Variants in C12orf42 observed in about 807,000 individuals in gnomAD.
C12orf42 encodes the protein uncharacterized protein C12orf42.
Under a neutral mutation model 21.6 loss-of-function variants are expected in C12orf42, and 25 were observed. The observed-to-expected ratio is 1.16, with a 90% CI of 0.84 to 1.62. C12orf42 has a LOEUF of 1.62. Among genes scored for constraint, C12orf42 ranks in the 40% most tolerant of loss-of-function variants. The pLI, the probability that C12orf42 is intolerant of heterozygous loss-of-function variation, is 0.00. For missense variants in C12orf42, 483 were observed against 459.3 expected (o/e 1.05, Z -0.47); for synonymous variants, 174 against 175.0 (o/e 0.99, Z 0.05).
At chr12:103,293,775 T>C (rs950354994) in intron 4 of C12orf42, among the ~76,000 whole-genome samples, 3 of 152,182 alleles carry the variant, frequency 2.0e-5, no homozygotes, top group African/African-American at 7.2e-5. Context: ...TACGTCTTCA[T>C]TGAAATACAG....
chr12:103,400,979 A>G (rs1353080707), intron 3 of C12orf42, among the ~76,000 whole-genome samples: 2 of 152,102 alleles, frequency 1.3e-5, no homozygotes, highest in African/African-American at 2.4e-5. Flanking sequence ...TTTTATCCCA[A>G]TCCTGCTTTT....
At chr12:103,333,732 G>C (rs919952363) in intron 4 of C12orf42, among the ~76,000 whole-genome samples, 2 of 151,110 alleles carry the variant, frequency 1.3e-5, no homozygotes, top group East Asian at 3.9e-4. Context: ...AATGTAAAAA[G>C]ATAAAAAAAA....
At chr12:103,309,465 T>G (rs1272350728) in intron 4 of C12orf42, among the ~76,000 whole-genome samples, 1 of 152,198 alleles carries the variant, frequency 6.6e-6, no homozygotes, top group Non-Finnish European at 1.5e-5. Context: ...ATTGACTATG[T>G]TATCAATAAG....
intron 4 of C12orf42, among the ~76,000 whole-genome samples, chr12:103,319,829 A>C (rs1234884349): frequency 6.6e-6 from 1 of 152,236 alleles, no homozygotes; most frequent in East Asian, 1.9e-4. Flanking sequence ...GGTGCTGAGC[A>C]CAGCACTTTG....
At chr12:103,516,419 T>A in the C12orf42 span, among the ~76,000 whole-genome samples, 9 of 152,234 alleles carry the variant, frequency 5.9e-5, no homozygotes, top group African/African-American at 2.2e-4. Flanking sequence ...ATTATATTAG[T>A]CTGTTCTCAC....
At chr12:103,122,851 A>AC in the C12orf42 span, among the ~76,000 whole-genome samples, 1 of 152,196 alleles carries the variant, frequency 6.6e-6, no homozygotes, top group Non-Finnish European at 1.5e-5. Flanking sequence ...CAAAGGAGGC[A>AC]CATGAGCTGC....
At chr12:103,153,109 T>C in the C12orf42 span, among the ~76,000 whole-genome samples, 5 of 152,314 alleles carry the variant, frequency 3.3e-5, no homozygotes, top group African/African-American at 1.2e-4. Context: ...TCTGTGTCTA[T>C]TAAATAGCAT....
the C12orf42 span, among the ~76,000 whole-genome samples, chr12:103,208,370 G>A: frequency 4.3e-4 from 66 of 152,048 alleles, 2 homozygotes; most frequent in Non-Finnish European, 1.5e-5. Flanking sequence ...ACACTCTTGC[G>A]TAAAAGACAC....
At chr12:103,119,889 T>G in the C12orf42 span, among the ~76,000 whole-genome samples, 1 of 152,228 alleles carries the variant, frequency 6.6e-6, no homozygotes, top group African/African-American at 2.4e-5. Flanking sequence ...AAGCTTGGCC[T>G]TTGGCCCTGC....
the C12orf42 span, among the ~76,000 whole-genome samples, chr12:103,087,849 T>C: frequency 1.3e-4 from 20 of 152,376 alleles, no homozygotes; most frequent in Admixed American, 2.6e-4. Context: ...TAATGGATAG[T>C]CTCAAATTTA....
the C12orf42 span, among the ~76,000 whole-genome samples, chr12:103,103,882 C>A: frequency 6.6e-6 from 1 of 151,480 alleles, no homozygotes; most frequent in Non-Finnish European, 1.5e-5. Context: ...CTCACTGCAA[C>A]CTCCGCCTCC....
chr12:103,061,816 T>C, the C12orf42 span, among the ~76,000 whole-genome samples: 1 of 152,018 alleles, frequency 6.6e-6, no homozygotes. Context: ...TTTTTTTTAA[T>C]GAGGCATTTA....
chr12:103,185,712 A>G, the C12orf42 span, among the ~76,000 whole-genome samples: 35 of 152,106 alleles, frequency 2.3e-4, no homozygotes, highest in Non-Finnish European at 3.5e-4. Flanking sequence ...GTGGTAGTGA[A>G]TAATTCTCAT....
At chr12:103,502,425 G>A in the C12orf42 span, among the ~76,000 whole-genome samples, 1 of 152,154 alleles carries the variant, frequency 6.6e-6, no homozygotes, top group Admixed American at 6.5e-5. Flanking sequence ...CTTAAGGAAT[G>A]GTGTGGTTTG....
chr12:103,525,283 G>C, the C12orf42 span, among the ~76,000 whole-genome samples: 1 of 152,156 alleles, frequency 6.6e-6, no homozygotes, highest in African/African-American at 2.4e-5. Flanking sequence ...TCTTGCCTGT[G>C]CCTCCCAAAG....
At chr12:103,306,903 A>AT (rs11443664) in intron 4 of C12orf42, among the ~76,000 whole-genome samples, 55,444 of 151,870 alleles carry the variant, frequency 0.37, 11,403 homozygotes, top group African/African-American at 0.55. Flanking sequence ...AGAGAATGCC[A>AT]GTGAAGACAA....
chr12:103,367,556 T>G (rs2044719979), intron 4 of C12orf42, among the ~76,000 whole-genome samples: 1 of 151,886 alleles, frequency 6.6e-6, no homozygotes, highest in South Asian at 2.1e-4. Context: ...AAGACTGAGG[T>G]GCAGAATACC....
chr12:103,410,766 T>C (rs2048778133), intron 2 of C12orf42, among the ~76,000 whole-genome samples: 1 of 152,190 alleles, frequency 6.6e-6, no homozygotes, highest in Non-Finnish European at 1.5e-5. Flanking sequence ...CTCACCTTTG[T>C]CCTTTCAGAT....
chr12:103,199,066 A>G, the C12orf42 span, among the ~76,000 whole-genome samples: 1 of 152,256 alleles, frequency 6.6e-6, no homozygotes, highest in African/African-American at 2.4e-5. Flanking sequence ...AAAATATATT[A>G]TAAAACTACA....
Sources: gnomAD v4.1 joint callset for allele counts (sites outside exome capture counted in the v4.1 genomes callset) on GRCh38, gnomAD v4.1.1 for gene constraint, MANE v1.5 for transcripts, NCBI Gene and HGNC (gene_info 2026-07-23, HGNC 2026-07-21) for gene names.